Variants in SEC23A observed in about 807,000 individuals in gnomAD.
SEC23A encodes the protein SEC23 homolog A, COPII component.
Under a neutral mutation model 103.7 loss-of-function variants are expected in SEC23A, and 56 were observed. The ratio of observed to expected loss-of-function variants is 0.54; its 90% CI spans 0.44 to 0.67. The LOEUF is 0.67. Among genes scored for constraint, SEC23A ranks in the 30% least tolerant of loss-of-function variants. SEC23A has a pLI of 0.00. For synonymous variants in SEC23A, 281 were observed against 293.0 expected (o/e 0.96, Z 0.42); for missense variants, 784 against 936.4 (o/e 0.84, Z 2.12).
At chr14:39,059,213 T>C (rs1381361421) in intron 13 of SEC23A, among the ~76,000 whole-genome samples, 2 of 147,508 alleles carry the variant, frequency 1.4e-5, no homozygotes, top group Non-Finnish European at 3.0e-5. Flanking sequence ...GGAGCCTTTA[T>C]TTTCATATGG....
intron 19 of SEC23A, among the ~76,000 whole-genome samples, chr14:39,034,830 A>G (rs1277062358): frequency 6.6e-6 from 1 of 152,172 alleles, no homozygotes; most frequent in African/African-American, 2.4e-5. Context: ...ATTATTTAGT[A>G]TATGAGGCAC....
intron 11 of SEC23A, among the ~76,000 whole-genome samples, chr14:39,063,869 G>A (rs1228807277): frequency 1.3e-5 from 2 of 151,844 alleles, no homozygotes; most frequent in Non-Finnish European, 2.9e-5. Flanking sequence ...GCTGGCGGAC[G>A]CCTGTAGTCC....
intron 19 of SEC23A, among the ~76,000 whole-genome samples, chr14:39,037,690 A>T (rs1594432091): frequency 6.6e-6 from 1 of 152,312 alleles, no homozygotes; most frequent in East Asian, 1.9e-4. Context: ...GTTATCTGAT[A>T]TATGATCTAT....
intron 7 of SEC23A, among the ~76,000 whole-genome samples, chr14:39,077,038 C>A (rs568753984): frequency 2.1e-4 from 32 of 151,448 alleles, no homozygotes; most frequent in Admixed American, 1.4e-3. Flanking sequence ...ACCAGTCTGG[C>A]CAACATGGTT....
At chr14:39,072,839 C>A (rs748198127) in intron 9 of SEC23A, among the ~76,000 whole-genome samples, 5 of 151,986 alleles carry the variant, frequency 3.3e-5, no homozygotes, top group African/African-American at 9.7e-5. Context: ...ATACAGACAA[C>A]GACAAGTGCT....
chr14:39,097,490 G>A (rs1887928018), intron 1 of SEC23A, among the ~76,000 whole-genome samples: 1 of 152,116 alleles, frequency 6.6e-6, no homozygotes, highest in Non-Finnish European at 1.5e-5. Context: ...GAAGAAAGAA[G>A]AGATATTATT....
At chr14:39,062,834 A>G (rs1403433001) in intron 12 of SEC23A, among the ~76,000 whole-genome samples, 1 of 152,126 alleles carries the variant, frequency 6.6e-6, no homozygotes, top group Non-Finnish European at 1.5e-5. Context: ...TTATTCTTCA[A>G]TGTGATTAAT....
chr14:39,044,364 C>A (rs1224615800), intron 16 of SEC23A, among the ~76,000 whole-genome samples: 1 of 152,066 alleles, frequency 6.6e-6, no homozygotes, highest in Non-Finnish European at 1.5e-5. Flanking sequence ...GCCAAACCAA[C>A]ATATTAAAAA....
intron 8 of SEC23A, among the ~76,000 whole-genome samples, chr14:39,075,591 A>T (rs913037450): frequency 3.9e-5 from 6 of 152,212 alleles, no homozygotes; most frequent in Non-Finnish European, 7.3e-5. Context: ...AAAATTAAGG[A>T]CTGCCTCTTG....
chr14:39,075,695 C>T (rs1401963356), intron 8 of SEC23A, among the ~76,000 whole-genome samples: 1 of 152,166 alleles, frequency 6.6e-6, no homozygotes, highest in Non-Finnish European at 1.5e-5. Context: ...ATGTTTCTCT[C>T]AGTAATAATT....
chr14:39,076,010 A>G lies in SEC23A; in HGVS notation c.912T>C (p.Asp304=), dbSNP rs1458224045. The G allele has an allele frequency of 3.1e-6, 5 of 1,613,832 alleles. No individual in the cohort carries two copies. In the Admixed American group the frequency reaches 8.3e-5, roughly 27 times the overall value. The part of the protein sequence containing the change: ...ATQGPGMVVG[D]ELKTPIRSWH... ...ACGATCTTATAGGTGTCTTCAACTC[A>G]TCTCCAACCACCATTCCAGGCCCCT... The change falls in exon 8 of 20, where the codon GAT becomes GAC. Residue 304 remains aspartate, a synonymous_variant. Coordinates refer to ENST00000307712, the MANE Select transcript of SEC23A (RefSeq NM_006364.4).
intron 2 of SEC23A, among the ~76,000 whole-genome samples, chr14:39,094,743 G>T (rs180823286): frequency 3.9e-4 from 60 of 152,226 alleles, no homozygotes; most frequent in African/African-American, 1.4e-3. Context: ...AGAATGCACA[G>T]CTACTATACC....
chr14:39,064,911 A>T lies in SEC23A; in HGVS notation c.1308+2T>A. On this transcript the variant is annotated splice_donor_variant, in intron 11 of 19. Transcript: ENST00000307712. LOFTEE classifies it high-confidence loss of function. ...TTTCTTTTTAGAATAAACACAACTT[A>T]CATTTTCAGACACACAGGGTCCTTT... 1 of 1,601,578 alleles carries T rather than the reference A, an allele frequency of 6.2e-7. No homozygotes were observed. Among genetic ancestry groups the T allele is most frequent in the South Asian group, 1.1e-5 (1 of 90,782 alleles).
At chr14:39,054,436 A>G (rs188776109) in intron 14 of SEC23A, among the ~76,000 whole-genome samples, 5 of 152,298 alleles carry the variant, frequency 3.3e-5, no homozygotes, top group Admixed American at 2.0e-4. Context: ...AGACTTGTCT[A>G]TATTTTGCAT....
chr14:39,083,776 G>A (rs1471423590), intron 7 of SEC23A, among the ~76,000 whole-genome samples: 1 of 151,638 alleles, frequency 6.6e-6, no homozygotes, highest in African/African-American at 2.4e-5. Flanking sequence ...CGTTGCTCAG[G>A]CTGGTCTCGA....
In SEC23A at chr14:39,076,965, G is replaced by C. The variant is rs180849580; in HGVS notation, c.829-872C>G. ...ATAGAGGCTGGACGCAGTGGCTGAC[G>C]CCTGTAATCCCAGCACTTTGGGAGG... On this transcript the variant is annotated intron_variant, in intron 7 of 19. Coordinates refer to ENST00000307712, the MANE Select transcript of SEC23A (RefSeq NM_006364.4). Among the ~76,000 whole-genome samples the C allele has an allele frequency of 3.6e-3, 510 of 140,638 alleles. 5 individuals carry two copies. The highest frequency in any genetic ancestry group is 0.013 in the African/African-American group (490 of 37,302). 92.3% of individuals were successfully genotyped at this position (140,638 alleles called of 152,430 possible). A position where few individuals can be genotyped will look rare whatever the true frequency, so the allele number is the denominator to read the frequency against.
chr14:39,086,447 C>T (rs1255371932), intron 6 of SEC23A, among the ~76,000 whole-genome samples: 1 of 151,992 alleles, frequency 6.6e-6, no homozygotes, highest in Non-Finnish European at 1.5e-5. Context: ...GATGGTGAAA[C>T]CCCGTCTCTA....
chr14:39,059,295 A>AAAAAAAC (rs1886379239), intron 13 of SEC23A, among the ~76,000 whole-genome samples: 1 of 115,612 alleles, frequency 8.6e-6, no homozygotes, highest in Non-Finnish European at 1.9e-5. Flanking sequence ...AAAAAAAAAA[A>AAAAAAAC]AAAAAAAAAA....
In SEC23A at chr14:39,082,605, G is replaced by A. The variant is rs114269066; in HGVS notation, c.828+3157C>T. Among the ~76,000 whole-genome samples the A allele has an allele frequency of 7.2e-3, 1,088 of 152,016 alleles. 13 individuals are homozygous for A. Among genetic ancestry groups the A allele is most frequent in the African/African-American group, 0.025 (1,038 of 41,348 alleles). ...TCAACATGGGGGTTCCTAATATTTT[G>A]CAATGTTTATTAATTACAAAGGGGT... is the stretch of plus-strand genomic sequence containing the variant. On this transcript the variant is annotated intron_variant, in intron 7 of 19. Transcript: ENST00000307712.
Sources: allele counts gnomAD v4.1 joint callset (sites outside exome capture counted in the v4.1 genomes callset), GRCh38; gene constraint gnomAD v4.1.1; transcripts MANE v1.5; gene names NCBI Gene and HGNC (gene_info 2026-07-23, HGNC 2026-07-21).